Variants in SAMD8 observed in about 807,000 individuals in gnomAD.
SAMD8 encodes the protein sterile alpha motif domain containing 8, also known as sphingomyelin synthase-related protein 1.
A neutral mutation model predicts 42.0 loss-of-function variants in SAMD8; 20 were observed. That is an observed-to-expected ratio of 0.48 (90% confidence interval 0.34 to 0.69). SAMD8 has a LOEUF of 0.69. Among genes scored for constraint, SAMD8 ranks in the 30% least tolerant of loss-of-function variants. The pLI, the probability that SAMD8 is intolerant of heterozygous loss-of-function variation, is 0.01. For missense variants in SAMD8, 328 were observed against 511.6 expected (o/e 0.64, Z 3.46); for synonymous variants, 162 against 173.0 (o/e 0.94, Z 0.50).
At chr10:75,135,264 C>A (rs938095657) in intron 1 of SAMD8, among the ~76,000 whole-genome samples, 4 of 149,580 alleles carry the variant, frequency 2.7e-5, no homozygotes, top group Admixed American at 1.3e-4. Flanking sequence ...ACCAGCCTGA[C>A]CAACATGGAG....
At chr10:75,166,215 A>G (rs1840674368) in intron 3 of SAMD8, among the ~76,000 whole-genome samples, 1 of 152,086 alleles carries the variant, frequency 6.6e-6, no homozygotes, top group African/African-American at 2.4e-5. Flanking sequence ...AAATTTTTTA[A>G]TTAAAAAAAG....
At chr10:75,126,539 T>G (rs1849142416) in intron 1 of SAMD8, among the ~76,000 whole-genome samples, 1 of 150,006 alleles carries the variant, frequency 6.7e-6, no homozygotes, top group Admixed American at 6.7e-5. Context: ...TCTTGCTGTG[T>G]CATCCAGGCT....
intron 1 of SAMD8, among the ~76,000 whole-genome samples, chr10:75,127,187 CA>C (rs11441219): frequency 2.0e-3 from 231 of 117,020 alleles, no homozygotes; most frequent in Non-Finnish European, 2.3e-3. Flanking sequence ...GACTCTGTCT[CA>C]AAAAAAAAAA....
intron 4 of SAMD8, among the ~76,000 whole-genome samples, chr10:75,174,041 T>TTA (rs1840931368): frequency 6.6e-6 from 1 of 152,198 alleles, no homozygotes; most frequent in Admixed American, 6.5e-5. Context: ...CACCTTTTTG[T>TTA]ACCATTATTA....
At chr10:75,163,021 G>A (rs900655213) in intron 2 of SAMD8, among the ~76,000 whole-genome samples, 1 of 152,032 alleles carries the variant, frequency 6.6e-6, no homozygotes, top group Non-Finnish European at 1.5e-5. Context: ...CGCCTCCCGG[G>A]TTCAAGCAGT....
intron 1 of SAMD8, among the ~76,000 whole-genome samples, chr10:75,102,760 C>T (rs1356237557): frequency 6.6e-6 from 1 of 152,128 alleles, no homozygotes; most frequent in East Asian, 1.9e-4. Flanking sequence ...CGAGACCAGC[C>T]TGACTAACAT....
At chr10:75,168,715 TGCAATAGG>T (rs1233248933) in intron 4 of SAMD8, 57 bp downstream of exon 4, 3 of 1,034,378 alleles carry the variant, frequency 2.9e-6, no homozygotes, top group Non-Finnish European at 4.6e-6. Context: ...GCACACTATA[TGCAATAGG>T]GCTAAGATTT....
rs1841011317 is a variant in SAMD8 at position 75,177,475 on chromosome 10, CT to C, written c.*785del. 6.6e-6 allele frequency: 1 copy of C among 152,168 alleles called. No individual in the cohort carries two copies. The highest frequency in any genetic ancestry group is 2.1e-4 in the South Asian group (1 of 4,828). The allele number at this position is 152,168 out of a possible 1,614,324, so 9.4% of individuals were successfully genotyped here. ...TTAGTGGTATAGGTACCCAGAATAA[CT>C]TCTTTGTGCTATAGTTGTTAGATGA... On this transcript the variant is annotated 3_prime_UTR_variant, in exon 6 of 6. Coordinates refer to ENST00000542569, the MANE Select transcript of SAMD8 (RefSeq NM_001174156.2).
At chr10:75,125,728 T>C (rs941166719) in intron 1 of SAMD8, 8 of 152,542 alleles carry the variant, frequency 5.2e-5, no homozygotes, top group African/African-American at 1.7e-4. Flanking sequence ...CAAAGCTGTA[T>C]GTGAAGCTAC....
At chr10:75,150,448 T>C (rs1322371531) in intron 1 of SAMD8, 66 bp from the exon 2 acceptor site, 4 of 1,523,416 alleles carry the variant, frequency 2.6e-6, no homozygotes, top group Non-Finnish European at 3.5e-6. Flanking sequence ...TATGTGTGTT[T>C]GTCTTTGAAG....
intron 1 of SAMD8, among the ~76,000 whole-genome samples, chr10:75,135,150 A>G (rs984902863): frequency 6.6e-6 from 1 of 152,130 alleles, no homozygotes; most frequent in Non-Finnish European, 1.5e-5. Flanking sequence ...CAGTGTATAC[A>G]TGTATTAACA....
intron 1 of SAMD8, among the ~76,000 whole-genome samples, chr10:75,149,758 A>G (rs1017217423): frequency 1.3e-5 from 2 of 151,846 alleles, no homozygotes; most frequent in Non-Finnish European, 2.9e-5. Context: ...AAATCTTCCT[A>G]TATTTCTTGA....
intron 1 of SAMD8, among the ~76,000 whole-genome samples, chr10:75,138,032 A>G (rs891222681): frequency 2.6e-5 from 4 of 152,200 alleles, no homozygotes; most frequent in African/African-American, 7.2e-5. Context: ...CAGCATTTCC[A>G]TAATCCTTGT....
chr10:75,143,092 A>C (rs1840058450), intron 1 of SAMD8, among the ~76,000 whole-genome samples: 1 of 152,180 alleles, frequency 6.6e-6, no homozygotes, highest in Admixed American at 6.5e-5. Context: ...GTGGATCACA[A>C]GGTCAGGAGA....
intron 1 of SAMD8, among the ~76,000 whole-genome samples, chr10:75,115,432 T>C (rs1848854443): frequency 6.6e-6 from 1 of 152,160 alleles, no homozygotes; most frequent in African/African-American, 2.4e-5. Context: ...AACAGATTGG[T>C]GTTTACATGC....
upstream of SAMD8, chr10:75,108,000 G>A (rs369969589): frequency 2.5e-5 from 40 of 1,612,258 alleles, no homozygotes; most frequent in African/African-American, 2.1e-4. Flanking sequence ...ACCCCCAGGC[G>A]TGTTGAGGGC....
intron 1 of SAMD8, among the ~76,000 whole-genome samples, chr10:75,145,909 T>C (rs1233955172): frequency 1.3e-5 from 2 of 152,324 alleles, no homozygotes; most frequent in African/African-American, 4.8e-5. Context: ...ATAGGTACTT[T>C]TCTTGGCCTC....
At position 75,176,886 on chromosome 10, in the gene SAMD8, C is replaced by T; in HGVS notation, c.*194C>T. 3 of 534,390 alleles carry T rather than the reference C, an allele frequency of 5.6e-6. No individual in the cohort carries two copies. The highest frequency in any genetic ancestry group is 9.8e-6 in the Non-Finnish European group (3 of 306,752). 33.1% of individuals were successfully genotyped at this position (534,390 alleles called of 1,614,324 possible). A position where few individuals can be genotyped will look rare whatever the true frequency, so the allele number is the denominator to read the frequency against. On this transcript the variant is annotated 3_prime_UTR_variant, in exon 6 of 6. Coordinates refer to ENST00000542569, the MANE Select transcript of SAMD8 (RefSeq NM_001174156.2). This position sits in a 1 kb window ranked among gnomAD's most constrained non-coding sequence, Gnocchi z 4.3. ...AAGAGTCCTTATGTAGCTATTTGAA[C>T]AGAAAGCTTAAGTAGATGTTTTCTG...
At chr10:75,124,448 A>G (rs1849080176) in intron 1 of SAMD8, among the ~76,000 whole-genome samples, 1 of 152,090 alleles carries the variant, frequency 6.6e-6, no homozygotes, top group Non-Finnish European at 1.5e-5. Flanking sequence ...CCCTGTCTCT[A>G]GTAAAAATAC....
Sources: allele counts gnomAD v4.1 joint callset (sites outside exome capture counted in the v4.1 genomes callset), GRCh38; gene constraint gnomAD v4.1.1; non-coding constraint Gnocchi (gnomAD v3.1); transcripts MANE v1.5; gene names NCBI Gene and HGNC (gene_info 2026-07-23, HGNC 2026-07-21).